Variants in HMGCLL1 observed in about 807,000 individuals in gnomAD.
The protein encoded by HMGCLL1 is 3-hydroxymethyl-3-methylglutaryl-CoA lyase, cytoplasmic.
HMGCLL1 carries 36 observed loss-of-function variants against 39.1 expected under a neutral mutation model. The ratio of observed to expected loss-of-function variants is 0.92; its 90% CI spans 0.71 to 1.22. The LOEUF (loss-of-function observed/expected upper bound fraction) is 1.22. HMGCLL1 is among the 50% of genes most tolerant of loss of function. The probability of loss-of-function intolerance (pLI) is 0.00; values close to 1 mark genes in which losing one functional copy is unlikely to be tolerated. For missense variants in HMGCLL1, 451 were observed against 416.5 expected, an observed-to-expected ratio of 1.08 and a Z score of -0.72; for synonymous variants, 149 against 144.0, an observed-to-expected ratio of 1.03 and a Z score of -0.25.
At chr6:55,498,087 G>A (rs1259527196) in intron 6 of HMGCLL1, among the ~76,000 whole-genome samples, 3 of 152,218 alleles carry the variant, frequency 2.0e-5, no homozygotes, top group South Asian at 2.1e-4. Context: ...CACCTTAGGC[G>A]TTCGGGTACA....
the HMGCLL1 span, among the ~76,000 whole-genome samples, chr6:55,629,679 C>A: frequency 2.0e-5 from 3 of 152,236 alleles, no homozygotes; most frequent in South Asian, 6.2e-4. Flanking sequence ...GCCCAGGGTT[C>A]CTGTGCTGTG....
chr6:55,541,928 T>C, intron 2 of HMGCLL1, 92 bp from the exon 3 acceptor site: 1 of 942,704 alleles, frequency 1.1e-6, no homozygotes, highest in South Asian at 1.6e-5. Context: ...GTGAGTATTA[T>C]TTGTAATTTA....
chr6:55,540,625 T>C (rs1769376248), intron 3 of HMGCLL1, among the ~76,000 whole-genome samples: 1 of 152,180 alleles, frequency 6.6e-6, no homozygotes, highest in Admixed American at 6.6e-5. Flanking sequence ...ACCCAGTCTA[T>C]GCTATTCTGT....
upstream of HMGCLL1, among the ~76,000 whole-genome samples, chr6:55,583,839 T>C (rs1772025206): frequency 6.6e-6 from 1 of 152,160 alleles, no homozygotes; most frequent in East Asian, 1.9e-4. Context: ...ACATCTTAGC[T>C]TGGAGTCTCA....
intron 7 of HMGCLL1, among the ~76,000 whole-genome samples, chr6:55,469,080 A>G (rs1284090720): frequency 6.6e-6 from 1 of 151,658 alleles, no homozygotes; most frequent in Non-Finnish European, 1.5e-5. Flanking sequence ...GAGCTTTTGA[A>G]GTACTATGTT....
At chr6:55,661,841 C>T in the HMGCLL1 span, among the ~76,000 whole-genome samples, 1 of 151,814 alleles carries the variant, frequency 6.6e-6, no homozygotes, top group Non-Finnish European at 1.5e-5. Flanking sequence ...TCTTTCTATT[C>T]ATGAGCATGA....
At chr6:55,437,743 A>G (rs995367799) in intron 8 of HMGCLL1, among the ~76,000 whole-genome samples, 1 of 152,036 alleles carries the variant, frequency 6.6e-6, no homozygotes, top group Admixed American at 6.6e-5. Flanking sequence ...TAACCCTTTG[A>G]TGGTAGCATG....
At chr6:55,488,636 G>T (rs985858564) in intron 7 of HMGCLL1, among the ~76,000 whole-genome samples, 1 of 151,216 alleles carries the variant, frequency 6.6e-6, no homozygotes, top group Non-Finnish European at 1.5e-5. Flanking sequence ...TAAGTAAATG[G>T]AAAAAAAACT....
At chr6:55,600,113 T>C in the HMGCLL1 span, among the ~76,000 whole-genome samples, 5 of 152,186 alleles carry the variant, frequency 3.3e-5, no homozygotes, top group Non-Finnish European at 4.4e-5. Flanking sequence ...TGACTCTCTT[T>C]AACAAATGTA....
At chr6:55,518,193 G>A (rs955135876) in intron 3 of HMGCLL1, among the ~76,000 whole-genome samples, 29 of 152,156 alleles carry the variant, frequency 1.9e-4, no homozygotes, top group Non-Finnish European at 3.8e-4. Flanking sequence ...TTATTGTGCT[G>A]AAGTAGTTAG....
chr6:55,508,849 C>T (rs367638349), intron 5 of HMGCLL1, among the ~76,000 whole-genome samples: 1 of 151,722 alleles, frequency 6.6e-6, no homozygotes, highest in African/African-American at 2.4e-5. Context: ...AATTAAAATT[C>T]TACTTCTTGC....
At chr6:55,641,876 ATTTTT>A in the HMGCLL1 span, among the ~76,000 whole-genome samples, 482 of 100,804 alleles carry the variant, frequency 4.8e-3, 5 homozygotes, top group Middle Eastern at 0.016. Flanking sequence ...ATTTTTTTTT[ATTTTT>A]ATTTATTTAT....
At chr6:55,534,548 A>T (rs1299990527) in intron 3 of HMGCLL1, among the ~76,000 whole-genome samples, 2 of 152,166 alleles carry the variant, frequency 1.3e-5, no homozygotes, top group East Asian at 3.9e-4. Flanking sequence ...TAAAGTCCAA[A>T]CTAGCCCCTG....
chr6:55,655,794 T>C, the HMGCLL1 span, among the ~76,000 whole-genome samples: 22 of 152,046 alleles, frequency 1.4e-4, no homozygotes, highest in Non-Finnish European at 5.9e-5. Flanking sequence ...TTAATTGTTA[T>C]CTTAGATGAC....
chr6:55,640,570 A>G, the HMGCLL1 span, among the ~76,000 whole-genome samples: 2 of 151,838 alleles, frequency 1.3e-5, no homozygotes, highest in African/African-American at 4.8e-5. Flanking sequence ...TGTTATCACT[A>G]GCACTATAAT....
chr6:55,608,877 T>C, the HMGCLL1 span, among the ~76,000 whole-genome samples: 1 of 152,170 alleles, frequency 6.6e-6, no homozygotes, highest in Non-Finnish European at 1.5e-5. Context: ...AACCAAGGTA[T>C]CCAGGTTCTG....
At chr6:55,531,113 G>A (rs1019381007) in intron 3 of HMGCLL1, among the ~76,000 whole-genome samples, 5 of 152,146 alleles carry the variant, frequency 3.3e-5, no homozygotes, top group African/African-American at 1.2e-4. Context: ...GAATCTCCAA[G>A]TGAGCAAGTC....
At chr6:55,507,504 T>TC (rs386407139) in intron 5 of HMGCLL1, among the ~76,000 whole-genome samples, 1 of 151,588 alleles carries the variant, frequency 6.6e-6, no homozygotes, top group African/African-American at 2.4e-5. Flanking sequence ...ATGTTCCATT[T>TC]ATGATGACTT....
At chr6:55,500,707 T>C (rs1421376544) in intron 5 of HMGCLL1, among the ~76,000 whole-genome samples, 1 of 152,034 alleles carries the variant, frequency 6.6e-6, no homozygotes, top group African/African-American at 2.4e-5. Context: ...TCTAAGTTTA[T>C]GCTTTAGATA....
Sources: gnomAD v4.1 joint callset for allele counts (sites outside exome capture counted in the v4.1 genomes callset) on GRCh38, gnomAD v4.1.1 for gene constraint, MANE v1.5 for transcripts, NCBI Gene and HGNC (gene_info 2026-07-23, HGNC 2026-07-21) for gene names.